Variants in CCDC50 observed in about 807,000 individuals in gnomAD.
CCDC50 encodes coiled-coil domain containing 50.
Under a neutral mutation model 70.2 loss-of-function variants are expected in CCDC50, and 54 were observed. The ratio of observed to expected loss-of-function variants is 0.77; its 90% CI spans 0.62 to 0.96. The LOEUF is 0.96. CCDC50 is among the 50% of genes least tolerant of loss of function. The pLI is 0.00. For synonymous variants in CCDC50, 216 were observed against 198.8 expected (o/e 1.09, Z -0.73); for missense variants, 558 against 578.7 (o/e 0.96, Z 0.37).
chr3:191,353,788 G>A (rs1271498966), intron 1 of CCDC50, among the ~76,000 whole-genome samples: 1 of 104,622 alleles, frequency 9.6e-6, no homozygotes, highest in African/African-American at 3.0e-5. Flanking sequence ...ACCTCCGAAG[G>A]GCAAAGTCAG....
At position 191,350,359 on chromosome 3, in the gene CCDC50, C is replaced by G. The variant is rs1451133869; in HGVS notation, c.50-6729C>G. Among the ~76,000 whole-genome samples, 2 of 141,918 alleles carry G rather than the reference C, an allele frequency of 1.4e-5. 1 individual carries two copies. Among genetic ancestry groups the G allele is most frequent in the Admixed American group, 1.4e-4 (2 of 13,796 alleles). 93.1% of individuals were successfully genotyped at this position (141,918 alleles called of 152,430 possible). On this transcript the variant is annotated intron_variant, in intron 1 of 11. Transcript: ENST00000392455. ...TTTCAAAGCAGAGTATATAGTCCCT[C>G]TGCTACTCATAGCATTTACATAAAA...
At chr3:191,344,760 G>T (rs112080486) in intron 1 of CCDC50, among the ~76,000 whole-genome samples, 1 of 152,038 alleles carries the variant, frequency 6.6e-6, no homozygotes. Flanking sequence ...TTGTATTTTT[G>T]TGGAGACGAG....
chr3:191,380,624 T>C (rs1713283020), intron 7 of CCDC50, 63 bp from the exon 8 acceptor site: 1 of 1,469,760 alleles, frequency 6.8e-7, no homozygotes, highest in Non-Finnish European at 9.4e-7. Context: ...TTGTACAAGA[T>C]ACTGAAAATG....
chr3:191,387,015 G>A (rs1462232471), intron 10 of CCDC50, among the ~76,000 whole-genome samples: 1 of 151,972 alleles, frequency 6.6e-6, no homozygotes, highest in Non-Finnish European at 1.5e-5. Flanking sequence ...TATTCCTTGT[G>A]CATTCTTATT....
Position 191,389,591 on chromosome 3 carries a change from C to T in CCDC50, c.1418C>T (p.Ser473Phe), listed in dbSNP as rs371345917. 2.5e-5 allele frequency: 40 copies of T among 1,611,944 alleles called. No homozygotes were observed. The highest frequency in any genetic ancestry group is 3.1e-5 in the Non-Finnish European group (37 of 1,178,194). Residue 473 changes from serine to phenylalanine, a missense_variant, in exon 11 of 12, where the codon TCC becomes TTC. By Grantham distance (155) the Ser-to-Phe change is radical. Coordinates refer to ENST00000392455, the MANE Select transcript of CCDC50 (RefSeq NM_178335.3). ...SSTRHFSKSE[S>F]SHKGFHYKH ...ACACGGCATTTCTCAAAATCAGAGT[C>T]CTCTCATAAAGGTAAGAAGAGTATG...
intron 4 of CCDC50, among the ~76,000 whole-genome samples, chr3:191,366,457 G>A (rs564208963): frequency 1.3e-5 from 2 of 152,080 alleles, no homozygotes; most frequent in Non-Finnish European, 2.9e-5. Flanking sequence ...TATTTACTAG[G>A]AAGTCTTCTG....
Position 191,382,821 on chromosome 3 carries a change from G to T in CCDC50, c.1318G>T (p.Ala440Ser), listed in dbSNP as rs1173402198. 3 of 1,609,330 alleles carry T rather than the reference G, an allele frequency of 1.9e-6. No homozygotes were observed. The East Asian group carries it at 6.7e-5, about 36-fold the overall frequency. ...EPHHSKNERP[A>S]RPPPPIMTDG... ...TCACCATTCTAAGAATGAAAGGCCA[G>T]CACGGTAAGCTGACACCTGAAAAGA... is the stretch of plus-strand genomic sequence containing the variant. Residue 440 changes from alanine (A) to serine (S), a missense_variant, in exon 10 of 12, where the codon GCA becomes TCA. By Grantham distance (99) the Ala-to-Ser change is moderately conservative. Transcript: ENST00000392455.
intron 9 of CCDC50, 58 bp from the exon 10 acceptor site, chr3:191,382,688 G>T: frequency 9.2e-7 from 1 of 1,087,006 alleles, no homozygotes; most frequent in South Asian, 1.3e-5. Context: ...TTTGTTTGAT[G>T]ATTCTGGATT....
chr3:191,329,589 C>CGCT lies in CCDC50; in HGVS notation c.-77_-75dup, dbSNP rs1717873954. 6 of 1,418,964 alleles carry CGCT rather than the reference C, an allele frequency of 4.2e-6. No homozygotes were observed. Among genetic ancestry groups the CGCT allele is most frequent in the East Asian group, 5.3e-5 (2 of 37,778 alleles). The allele number at this position is 1,418,964 out of a possible 1,614,324, so 87.9% of individuals were successfully genotyped here. Reference sequence around the variant, plus strand: ...CGGCCGGACTTTGCGCCGCGTCCGGCGCTGCTGCTGCGCTCGGGGCCCCGC... The same window carrying CGCT: ...CGGCCGGACTTTGCGCCGCGTCCGGCGCTGCTGCTGCTGCGCTCGGGGCCCCGC... On this transcript the variant is annotated 5_prime_UTR_variant, in exon 1 of 12. Coordinates refer to ENST00000392455, the MANE Select transcript of CCDC50 (RefSeq NM_178335.3).
chr3:191,379,937 G>C (rs1713252507), intron 6 of CCDC50, among the ~76,000 whole-genome samples: 1 of 151,986 alleles, frequency 6.6e-6, no homozygotes. Flanking sequence ...TACCAGGCAG[G>C]CTTGCTTAGA....
chr3:191,384,565 G>T (rs1011894812), intron 10 of CCDC50, among the ~76,000 whole-genome samples: 1 of 152,146 alleles, frequency 6.6e-6, no homozygotes, highest in Non-Finnish European at 1.5e-5. Flanking sequence ...AAATTCTTAT[G>T]TAGAGCTTGT....
At chr3:191,341,985 A>G (rs1286033608) in intron 1 of CCDC50, among the ~76,000 whole-genome samples, 1 of 152,208 alleles carries the variant, frequency 6.6e-6, no homozygotes, top group Non-Finnish European at 1.5e-5. Flanking sequence ...CTGTGGAAGT[A>G]TCCTCCTAGG....
rs1713801510 is a variant in CCDC50, at chr3:191,394,581, G to A, written c.*2821G>A. ...GATGTAAACTAATACTTCTGGCCTGGGAAAACCTTTCTGTTTCTGTATCTT... is the reference window on the plus strand; with the variant it reads ...GATGTAAACTAATACTTCTGGCCTGAGAAAACCTTTCTGTTTCTGTATCTT... On this transcript the variant is annotated 3_prime_UTR_variant, in exon 12 of 12. Transcript: ENST00000392455. The A allele has an allele frequency of 6.6e-6, 1 of 152,056 alleles. No homozygotes were observed. Among genetic ancestry groups the A allele is most frequent in the Non-Finnish European group, 1.5e-5 (1 of 67,994 alleles). 9.4% of individuals were successfully genotyped at this position (152,056 alleles called of 1,614,324 possible).
rs539295785 is a variant in CCDC50 at position 191,376,455 on chromosome 3, A to G, written c.976+866A>G. ...GCAGTAATGGCTCTATTTTCTATAA[A>G]CTGCTGAGGTGATGTTTTCCATGTG... On this transcript the variant is annotated intron_variant, in intron 6 of 11. Transcript: ENST00000392455. 7.2e-5 allele frequency among the ~76,000 whole-genome samples: 11 copies of G among 152,148 alleles called. No individual in the cohort carries two copies. In the East Asian group the frequency reaches 2.1e-3, roughly 29 times the overall value.
intron 5 of CCDC50, among the ~76,000 whole-genome samples, chr3:191,373,956 A>G (rs1713001458): frequency 6.6e-6 from 1 of 152,136 alleles, no homozygotes. Context: ...GAAAACGTAT[A>G]GTTTTTTATT....
rs990473724 is a variant in CCDC50, at chr3:191,395,512, T to A, written c.*3752T>A. On this transcript the variant is annotated 3_prime_UTR_variant, in exon 12 of 12. Transcript: ENST00000392455. ...ACCAAGATGATTCATTATTCAGTGATTATTTTCTTGAAAGATAACTATGAT... is the reference window on the plus strand; with the variant it reads ...ACCAAGATGATTCATTATTCAGTGAATATTTTCTTGAAAGATAACTATGAT... The A allele has an allele frequency of 1.3e-5, 2 of 152,180 alleles. No homozygotes were observed. Among genetic ancestry groups the A allele is most frequent in the African/African-American group, 4.8e-5 (2 of 41,460 alleles). The allele number at this position is 152,180 out of a possible 1,614,324, so 9.4% of individuals were successfully genotyped here.
intron 4 of CCDC50, among the ~76,000 whole-genome samples, chr3:191,362,765 T>G (rs966019251): frequency 2.6e-5 from 4 of 152,188 alleles, no homozygotes; most frequent in African/African-American, 9.7e-5. Context: ...AAGACTTCTG[T>G]TCAATGCCAG....
rs535892964 is a variant in CCDC50 at position 191,368,765 on chromosome 3, A to G, written c.331-1154A>G. ...CAAATTACCAATGATTGTTATTACC[A>G]TTTGTACCAGTGAGTATTATTCCCA... On this transcript the variant is annotated intron_variant, in intron 4 of 11. Coordinates refer to ENST00000392455, the MANE Select transcript of CCDC50 (RefSeq NM_178335.3). Among the ~76,000 whole-genome samples, 47 of 152,254 alleles carry G rather than the reference A, an allele frequency of 3.1e-4. 1 individual carries two copies. The highest frequency in any genetic ancestry group is 1.0e-3 in the South Asian group (5 of 4,826).
At chr3:191,380,793 T>C in intron 8 of CCDC50, 35 bp from the exon 9 acceptor site, 1 of 1,604,406 alleles carries the variant, frequency 6.2e-7, no homozygotes, top group Non-Finnish European at 8.5e-7. Flanking sequence ...TATCTGCACC[T>C]CTGCAGTTAA....
Sources: gnomAD v4.1 joint callset for allele counts (sites outside exome capture counted in the v4.1 genomes callset) on GRCh38, gnomAD v4.1.1 for gene constraint, MANE v1.5 for transcripts, NCBI Gene and HGNC (gene_info 2026-07-23, HGNC 2026-07-21) for gene names.